Variants in DLGAP1 observed in about 807,000 individuals in gnomAD.
DLGAP1 encodes DLG associated protein 1.
In DLGAP1, 11 loss-of-function variants were observed where a neutral mutation model predicts 90.8. That is an observed-to-expected ratio of 0.12 (90% CI 0.08 to 0.20). The LOEUF is 0.20. DLGAP1 is among the 10% of genes least tolerant of loss of function. The pLI is 1.00. For missense variants in DLGAP1, 1,050 were observed against 1,333.8 expected, an observed-to-expected ratio of 0.79 and a Z score of 3.31; for synonymous variants, 558 against 540.7, an observed-to-expected ratio of 1.03 and a Z score of -0.44.
At chr18:3,805,091 G>A (rs2066501508) in intron 5 of DLGAP1, among the ~76,000 whole-genome samples, 1 of 152,182 alleles carries the variant, frequency 6.6e-6, no homozygotes, top group East Asian at 1.9e-4. Flanking sequence ...CACATAGTAG[G>A]TGGCCAAAAC....
chr18:4,284,203 G>GAAA (rs11392858), intron 1 of DLGAP1, among the ~76,000 whole-genome samples: 2,968 of 134,582 alleles, frequency 0.022, 50 homozygotes, highest in Non-Finnish European at 0.03. Context: ...TGCCTCTACT[G>GAAA]AAAAAAAAAA....
intron 1 of DLGAP1, among the ~76,000 whole-genome samples, chr18:4,253,213 A>G (rs1399920825): frequency 1.3e-5 from 2 of 152,188 alleles, no homozygotes; most frequent in East Asian, 3.9e-4. Flanking sequence ...TTTATGGCCA[A>G]TCAACTCCAT....
intron 7 of DLGAP1, among the ~76,000 whole-genome samples, chr18:3,645,455 T>C (rs1631989): frequency 0.76 from 116,005 of 152,136 alleles, 45,326 homozygotes; most frequent in African/African-American, 0.93. Context: ...CCCAACTTCA[T>C]GCCTGGATGT....
chr18:3,907,989 A>G lies in DLGAP1; in HGVS notation c.-72-27849T>C, dbSNP rs28673014. Among the ~76,000 whole-genome samples the G allele has an allele frequency of 4.9e-3, 743 of 152,344 alleles. 3 individuals carry two copies. The highest frequency in any genetic ancestry group is 0.017 in the African/African-American group (693 of 41,570). On this transcript the variant is annotated intron_variant, in intron 3 of 12. Transcript: ENST00000315677. ...AATTGGAGCCTTAAGAGCTAGGTCT[A>G]ACTTAGTTGTAGAAACCAATAAAAA...
At chr18:4,139,750 T>C (rs920444417) in intron 2 of DLGAP1, among the ~76,000 whole-genome samples, 2 of 151,948 alleles carry the variant, frequency 1.3e-5, no homozygotes, top group African/African-American at 4.8e-5. Context: ...TTGGATTCCA[T>C]CTCTCTCTTT....
At chr18:4,427,993 T>C (rs1376442278) in intron 1 of DLGAP1, among the ~76,000 whole-genome samples, 1 of 152,242 alleles carries the variant, frequency 6.6e-6, no homozygotes. Flanking sequence ...AGAAGGTATG[T>C]ATTAAATTTC....
intron 5 of DLGAP1, among the ~76,000 whole-genome samples, chr18:3,797,954 G>C (rs2066085934): frequency 6.6e-6 from 1 of 152,278 alleles, no homozygotes; most frequent in East Asian, 1.9e-4. Context: ...CAAGAGATCT[G>C]ATGGTTTTAT....
intron 4 of DLGAP1, among the ~76,000 whole-genome samples, chr18:3,856,662 C>T (rs2069661656): frequency 6.6e-6 from 1 of 152,088 alleles, no homozygotes; most frequent in African/African-American, 2.4e-5. Flanking sequence ...GAGATCGAGA[C>T]CATCCTGGCT....
At chr18:4,204,100 C>T (rs2077667586) in intron 1 of DLGAP1, among the ~76,000 whole-genome samples, 2 of 152,210 alleles carry the variant, frequency 1.3e-5, no homozygotes, top group Non-Finnish European at 2.9e-5. Flanking sequence ...AACAGAAACC[C>T]AGTCATTATG....
At chr18:4,247,508 G>A (rs1406134481) in intron 1 of DLGAP1, among the ~76,000 whole-genome samples, 1 of 152,166 alleles carries the variant, frequency 6.6e-6, no homozygotes, top group Non-Finnish European at 1.5e-5. Flanking sequence ...GGGTGCAGTG[G>A]CTCACACCTG....
At chr18:4,356,589 C>A (rs1199628597) in intron 1 of DLGAP1, among the ~76,000 whole-genome samples, 1 of 152,164 alleles carries the variant, frequency 6.6e-6, no homozygotes, top group Non-Finnish European at 1.5e-5. Flanking sequence ...CAAAATACAT[C>A]CTGAATCCGA....
chr18:3,826,894 G>A (rs964528073), intron 4 of DLGAP1, among the ~76,000 whole-genome samples: 2 of 152,148 alleles, frequency 1.3e-5, no homozygotes, highest in African/African-American at 2.4e-5. Context: ...GCAGAGCAGC[G>A]GTGGAGGGAG....
At chr18:4,301,751 CT>C (rs1388785220) in intron 1 of DLGAP1, among the ~76,000 whole-genome samples, 2 of 152,168 alleles carry the variant, frequency 1.3e-5, no homozygotes, top group Non-Finnish European at 2.9e-5. Flanking sequence ...GACTAATTTA[CT>C]TATCCCACTA....
intron 10 of DLGAP1, among the ~76,000 whole-genome samples, chr18:3,527,410 C>CTTTTTTTTTTTTTTTTTT (rs3075071): frequency 9.9e-6 from 1 of 100,684 alleles, no homozygotes. Context: ...ATTTTCCAAA[C>CTTTTTTTTTTTTTTTTTT]TTTTTTTTTT....
At chr18:4,009,721 T>C (rs1391940665) in intron 2 of DLGAP1, among the ~76,000 whole-genome samples, 2 of 152,230 alleles carry the variant, frequency 1.3e-5, no homozygotes, top group African/African-American at 2.4e-5. Flanking sequence ...ATGGGATTCA[T>C]GTTCCCATGG....
rs1477010812 is a variant in DLGAP1 at position 3,517,830 on chromosome 18, A to AG, written c.2480-9170_2480-9169insC. Among the ~76,000 whole-genome samples, 1 of 151,728 alleles carries AG rather than the reference A, an allele frequency of 6.6e-6. No individual in the cohort carries two copies. Among genetic ancestry groups the AG allele is most frequent in the Non-Finnish European group, 1.5e-5 (1 of 67,926 alleles). On this transcript the variant is annotated intron_variant, in intron 10 of 12. Coordinates refer to ENST00000315677, the MANE Select transcript of DLGAP1 (RefSeq NM_004746.4). The surrounding 1 kb of genome is among the most constrained non-coding windows in gnomAD (Gnocchi z 4.1). ...GAAACTCTGTCTCGGAAAAAAAAAA[A>AG]AAAGAAGAGAGTCACAATGTGTCTC... is the stretch of plus-strand genomic sequence containing the variant.
chr18:4,017,793 T>A (rs2074546644), intron 2 of DLGAP1, among the ~76,000 whole-genome samples: 1 of 152,190 alleles, frequency 6.6e-6, no homozygotes, highest in African/African-American at 2.4e-5. Flanking sequence ...GTTATCAATG[T>A]TTGCTTTGCC....
At chr18:4,103,128 C>T (rs556973450) in intron 2 of DLGAP1, among the ~76,000 whole-genome samples, 1 of 152,238 alleles carries the variant, frequency 6.6e-6, no homozygotes, top group Non-Finnish European at 1.5e-5. Context: ...GTTTTTTTCC[C>T]TTTCTTCTTC....
At chr18:3,649,505 T>G (rs539682322) in intron 7 of DLGAP1, among the ~76,000 whole-genome samples, 11 of 152,298 alleles carry the variant, frequency 7.2e-5, no homozygotes, top group African/African-American at 2.6e-4. Context: ...CATTAGACAC[T>G]GGAAAGAGGA....
Sources: gnomAD v4.1 joint callset for allele counts (sites outside exome capture counted in the v4.1 genomes callset) on GRCh38, gnomAD v4.1.1 for gene constraint, Gnocchi (gnomAD v3.1) non-coding constraint, MANE v1.5 for transcripts, NCBI Gene and HGNC (gene_info 2026-07-23, HGNC 2026-07-21) for gene names.